Variants in NUMB observed in about 807,000 individuals in gnomAD.
NUMB encodes the protein protein numb homolog.
Under a neutral mutation model 59.7 loss-of-function variants are expected in NUMB, and 29 were observed. That is an observed-to-expected ratio of 0.49 (90% CI 0.36 to 0.66). The LOEUF (loss-of-function observed/expected upper bound fraction) is 0.66. Among genes scored for constraint, NUMB ranks in the 30% least tolerant of loss-of-function variants. The probability of loss-of-function intolerance (pLI) is 0.00; values close to 1 mark genes in which losing one functional copy is unlikely to be tolerated. For synonymous variants in NUMB, 288 were observed against 288.2 expected (o/e 1.00, Z 0.01); for missense variants, 723 against 822.0 (o/e 0.88, Z 1.47).
At chr14:73,311,539 G>C (rs143570010) in intron 6 of NUMB, among the ~76,000 whole-genome samples, 2 of 152,284 alleles carry the variant, frequency 1.3e-5, no homozygotes, top group African/African-American at 4.8e-5. Context: ...CAACAATAGG[G>C]AAGTGATGGT....
At position 73,289,582 on chromosome 14, in the gene NUMB, G is replaced by A. The variant is rs531801530; in HGVS notation, c.451-2268C>T. On this transcript the variant is annotated intron_variant, in intron 8 of 12. Transcript: ENST00000555238. Reference sequence around the variant, plus strand: ...TCGTCTCACTGGATTTTGCATGACAGTATTAGTTATCATAAGGACAGGTAA... The same window carrying A: ...TCGTCTCACTGGATTTTGCATGACAATATTAGTTATCATAAGGACAGGTAA... Among the ~76,000 whole-genome samples the A allele has an allele frequency of 2.0e-5, 3 of 152,284 alleles. No homozygotes were observed. In the East Asian group the frequency reaches 5.8e-4, roughly 29 times the overall value.
Position 73,276,881 on chromosome 14 carries a change from A to G in NUMB, c.1653T>C (p.His551=). The change falls in exon 13 of 13, where the codon CAT becomes CAC. Residue 551 remains histidine, a synonymous_variant. Coordinates refer to ENST00000555238, the MANE Select transcript of NUMB (RefSeq NM_001005743.2). The part of the protein sequence containing the change: ...TAGHPQAAHP[H]QSPSLVRQQT... ...GCTGCCTGACCAGGCTGGGTGACTGATGGGGATGGGCAGCCTGAGGGTGGC... is the reference window on the plus strand; with the variant it reads ...GCTGCCTGACCAGGCTGGGTGACTGGTGGGGATGGGCAGCCTGAGGGTGGC... 6.2e-7 allele frequency: 1 copy of G among 1,613,982 alleles called. No individual in the cohort carries two copies. The highest frequency in any genetic ancestry group is 8.5e-7 in the Non-Finnish European group (1 of 1,179,912).
chr14:73,412,585 C>T (rs949309816), intron 1 of NUMB, among the ~76,000 whole-genome samples: 6 of 150,388 alleles, frequency 4.0e-5, no homozygotes, highest in African/African-American at 9.9e-5. Flanking sequence ...CGAGATTGCA[C>T]CATTGCACTC....
intron 1 of NUMB, among the ~76,000 whole-genome samples, chr14:73,425,552 G>A (rs981749201): frequency 8.6e-5 from 13 of 151,946 alleles, no homozygotes; most frequent in African/African-American, 1.9e-4. Context: ...AAAACGTGCC[G>A]TAATTCCCAA....
At position 73,381,359 on chromosome 14, in the gene NUMB, G is replaced by GA. The variant is rs993123737; in HGVS notation, c.-100-14379dup. On this transcript the variant is annotated intron_variant, in intron 2 of 12. Transcript: ENST00000555238. ...GATCAGAACAGAATTGGAAGAAAAA[G>GA]AAAAAAAAAAGGTAAGAAAATCCTT... Among the ~76,000 whole-genome samples, 113 of 144,466 alleles carry GA rather than the reference G, an allele frequency of 7.8e-4. 1 individual carries two copies. The highest frequency in any genetic ancestry group is 1.2e-3 in the African/African-American group (49 of 39,400). 94.8% of individuals were successfully genotyped at this position (144,466 alleles called of 152,430 possible).
In NUMB at chr14:73,406,177, G is replaced by T. The variant is rs1419317889; in HGVS notation, c.-101+3760C>A. ...TGTTACATATGTATACATGTGCCAC[G>T]TTGGTGTGCTGCACCTATTAACTCA... On this transcript the variant is annotated intron_variant, in intron 2 of 12. Transcript: ENST00000555238. Among the ~76,000 whole-genome samples the T allele has an allele frequency of 5.3e-5, 8 of 150,588 alleles. No homozygotes were observed. In the East Asian group the frequency reaches 1.5e-3, roughly 29 times the overall value.
rs942359932 is a variant in NUMB at position 73,309,756 on chromosome 14, TAAA to T, written c.234+6631_234+6633del. On this transcript the variant is annotated intron_variant, in intron 6 of 12. Coordinates refer to ENST00000555238, the MANE Select transcript of NUMB (RefSeq NM_001005743.2). ...ATAATAATAATAATAATAATAATAATAAAAATAGGATCCAGAATGAAGATAAGC... is the reference window on the plus strand; with the variant it reads ...ATAATAATAATAATAATAATAATAATAATAGGATCCAGAATGAAGATAAGC... 8.4e-3 allele frequency among the ~76,000 whole-genome samples: 1,041 copies of T among 123,810 alleles called. 10 individuals are homozygous for T. The highest frequency in any genetic ancestry group is 0.028 in the African/African-American group (688 of 24,886). The allele number at this position is 123,810 out of a possible 152,430, so 81.2% of individuals were successfully genotyped here.
intron 1 of NUMB, among the ~76,000 whole-genome samples, chr14:73,424,694 G>C (rs61985847): frequency 6.6e-6 from 1 of 152,066 alleles, no homozygotes; most frequent in Admixed American, 6.6e-5. Context: ...TCATGAGCAC[G>C]TCTCTAAAGG....
chr14:73,322,911 A>C (rs1891480511), intron 5 of NUMB: 1 of 334,316 alleles, frequency 3.0e-6, no homozygotes, highest in Non-Finnish European at 5.4e-6. Context: ...GGCTGGTCTC[A>C]AACTCCTGGC....
intron 6 of NUMB, among the ~76,000 whole-genome samples, chr14:73,308,952 A>C (rs113028817): frequency 6.6e-6 from 1 of 152,230 alleles, no homozygotes; most frequent in African/African-American, 2.4e-5. Context: ...GGAGATGATT[A>C]AATGGGTTCA....
intron 2 of NUMB, among the ~76,000 whole-genome samples, chr14:73,379,071 C>T (rs568949234): frequency 2.0e-5 from 3 of 152,126 alleles, no homozygotes; most frequent in Admixed American, 6.5e-5. Flanking sequence ...TTCAAAGAGG[C>T]GGCTAAAAAG....
intron 1 of NUMB, among the ~76,000 whole-genome samples, chr14:73,448,384 G>T (rs1373549749): frequency 2.0e-5 from 3 of 151,758 alleles, no homozygotes; most frequent in Non-Finnish European, 4.4e-5. Flanking sequence ...TAGAGATAGG[G>T]TCTTGCTACG....
intron 3 of NUMB, among the ~76,000 whole-genome samples, 166 bp downstream of exon 3, chr14:73,366,731 T>G (rs1400475230): frequency 6.6e-6 from 1 of 152,226 alleles, no homozygotes; most frequent in Non-Finnish European, 1.5e-5. Context: ...TGAAAAGATA[T>G]GTGAAATTAT....
At chr14:73,302,070 G>C (rs1216641500) in intron 6 of NUMB, among the ~76,000 whole-genome samples, 1 of 151,936 alleles carries the variant, frequency 6.6e-6, no homozygotes, top group Admixed American at 6.6e-5. Context: ...GTGACACAGC[G>C]AGACTCCATC....
At chr14:73,282,565 A>G (rs1888703319) in intron 10 of NUMB, 60 bp from the exon 11 acceptor site, 43 of 1,565,766 alleles carry the variant, frequency 2.7e-5, no homozygotes, top group Non-Finnish European at 3.7e-5. Flanking sequence ...GAAATTTGAC[A>G]GTATGATGCA....
chr14:73,445,383 A>AAAAAAAAAAAAAAAAAAAC (rs1883417295), intron 1 of NUMB, among the ~76,000 whole-genome samples: 1 of 145,156 alleles, frequency 6.9e-6, no homozygotes, highest in Non-Finnish European at 1.5e-5. Flanking sequence ...AAAAAAAAAA[A>AAAAAAAAAAAAAAAAAAAC]AAAAAAAAAA....
At chr14:73,289,833 C>T (rs1345702427) in intron 8 of NUMB, among the ~76,000 whole-genome samples, 2 of 152,110 alleles carry the variant, frequency 1.3e-5, no homozygotes, top group Non-Finnish European at 2.9e-5. Flanking sequence ...TGCATTTGAA[C>T]GCAGGTCTAT....
In NUMB at chr14:73,282,379, G is replaced by A; in HGVS notation, c.1076C>T (p.Pro359Leu). The A allele has an allele frequency of 6.2e-7, 1 of 1,614,140 alleles. No individual in the cohort carries two copies. The highest frequency in any genetic ancestry group is 8.5e-7 in the Non-Finnish European group (1 of 1,180,010). The change falls in exon 11 of 13, where the codon CCA becomes CTA. Residue 359 changes from proline (P) to leucine (L), a missense_variant. This residue lies in a region of NUMB where 406 missense variants were observed against 385.4 expected (regional missense o/e 1.05). Coordinates refer to ENST00000555238, the MANE Select transcript of NUMB (RefSeq NM_001005743.2). ...CCAACCTTGGAAGGTAGGAGATTGT[G>A]GTGCCACCACTGTCACTGGTTTGGT... ...PMTKPVTVVAPQSPTFQANGT... is the reference protein window; with the variant it reads ...PMTKPVTVVALQSPTFQANGT...
chr14:73,278,902 A>G (rs938801267), intron 12 of NUMB, among the ~76,000 whole-genome samples: 3 of 151,628 alleles, frequency 2.0e-5, no homozygotes, highest in African/African-American at 7.3e-5. Context: ...TAATTTTTGT[A>G]TTTTTAGTAG....
Sources: gnomAD v4.1 joint callset for allele counts (sites outside exome capture counted in the v4.1 genomes callset) on GRCh38, gnomAD v4.1.1 for gene constraint, gnomAD v4.1.1 regional missense constraint, MANE v1.5 for transcripts, NCBI Gene and HGNC (gene_info 2026-07-23, HGNC 2026-07-21) for gene names.